Variants in DOCK3 observed in about 807,000 individuals in gnomAD.
DOCK3 encodes dedicator of cytokinesis protein 3.
A neutral mutation model predicts 265.6 loss-of-function variants in DOCK3; 60 were observed. That is an observed-to-expected ratio of 0.23 (90% CI 0.18 to 0.28). The LOEUF (loss-of-function observed/expected upper bound fraction) is 0.28. DOCK3 is among the 10% of genes least tolerant of loss of function. DOCK3 has a pLI of 1.00. For missense variants in DOCK3, 1,981 were observed against 2,594.3 expected, an observed-to-expected ratio of 0.76 and a Z score of 5.14; for synonymous variants, 881 against 938.0, an observed-to-expected ratio of 0.94 and a Z score of 1.11.
At chr3:51,368,789 C>A (rs891404919) in intron 49 of DOCK3, among the ~76,000 whole-genome samples, 1 of 152,224 alleles carries the variant, frequency 6.6e-6, no homozygotes, top group Non-Finnish European at 1.5e-5. Flanking sequence ...AGGAGCCTAA[C>A]TGGGAGGCAC....
intron 38 of DOCK3, among the ~76,000 whole-genome samples, chr3:51,348,292 A>G (rs2085734141): frequency 6.6e-6 from 1 of 152,238 alleles, no homozygotes; most frequent in African/African-American, 2.4e-5. Flanking sequence ...AGTTCCATAA[A>G]GGAAATTGTC....
intron 5 of DOCK3, among the ~76,000 whole-genome samples, chr3:50,996,658 A>G (rs2078296095): frequency 2.0e-5 from 3 of 151,602 alleles, no homozygotes; most frequent in African/African-American, 7.3e-5. Flanking sequence ...TCTTGGGGGG[A>G]AAACTGTGTA....
chr3:50,714,727 G>A (rs141044119), intron 1 of DOCK3, among the ~76,000 whole-genome samples: 3 of 152,266 alleles, frequency 2.0e-5, no homozygotes, highest in African/African-American at 7.2e-5. Context: ...GTGAGCCACT[G>A]CACCCAGCTT....
intron 1 of DOCK3, among the ~76,000 whole-genome samples, chr3:50,740,431 T>C (rs960117737): frequency 6.6e-6 from 1 of 152,162 alleles, no homozygotes; most frequent in Non-Finnish European, 1.5e-5. Context: ...ACTTAACTTT[T>C]TTAGAAACTG....
At chr3:50,987,492 TTTTATTACTTACTA>T (rs2077945168) in intron 5 of DOCK3, among the ~76,000 whole-genome samples, 1 of 152,184 alleles carries the variant, frequency 6.6e-6, no homozygotes, top group Admixed American at 6.5e-5. Context: ...CAGGGTTACT[TTTTATTACTTACTA>T]TTTGTGGTTT....
At chr3:50,748,734 C>T in intron 1 of DOCK3, among the ~76,000 whole-genome samples, 1 of 152,130 alleles carries the variant, frequency 6.6e-6, no homozygotes. Flanking sequence ...TTCTGCTACA[C>T]CTTGTAGTAT....
chr3:50,775,179 A>C (rs2041511960), intron 1 of DOCK3, among the ~76,000 whole-genome samples: 1 of 152,038 alleles, frequency 6.6e-6, no homozygotes, highest in African/African-American at 2.4e-5. Context: ...TCTTTGGAAG[A>C]GATTATTTAT....
chr3:51,122,926 A>G (rs1161895475), intron 9 of DOCK3, among the ~76,000 whole-genome samples: 1 of 152,224 alleles, frequency 6.6e-6, no homozygotes, highest in African/African-American at 2.4e-5. Flanking sequence ...AATCGTTTAC[A>G]TCCTGCTTCA....
intron 49 of DOCK3, among the ~76,000 whole-genome samples, chr3:51,365,268 C>G (rs1161224428): frequency 6.6e-6 from 1 of 152,186 alleles, no homozygotes; most frequent in Non-Finnish European, 1.5e-5. Flanking sequence ...GGAGTTCACT[C>G]CTGATTTGGC....
chr3:50,701,723 T>G (rs1275735849), intron 1 of DOCK3, among the ~76,000 whole-genome samples: 1 of 152,234 alleles, frequency 6.6e-6, no homozygotes, highest in Admixed American at 6.5e-5. Context: ...CCTTAATCCA[T>G]TTTGAGTTGA....
At position 51,325,649 on chromosome 3, in the gene DOCK3, C is replaced by G. The variant is rs370124534; in HGVS notation, c.3403-4489C>G. ...GCGACACTATTCACAATAGCAAAGA[C>G]TTGGAACCAACCCAAATGCCCATCA... On this transcript the variant is annotated intron_variant, in intron 32 of 52. Coordinates refer to ENST00000266037, the MANE Select transcript of DOCK3 (RefSeq NM_004947.5). 5.9e-5 allele frequency among the ~76,000 whole-genome samples: 9 copies of G among 152,142 alleles called. No individual in the cohort carries two copies. In the South Asian group the frequency reaches 1.0e-3, roughly 17 times the overall value.
intron 35 of DOCK3, among the ~76,000 whole-genome samples, chr3:51,336,023 G>T (rs200248391): frequency 6.7e-6 from 1 of 148,832 alleles, no homozygotes; most frequent in East Asian, 1.9e-4. Context: ...AAAAGAAAAA[G>T]AAAATAGTTG....
chr3:51,300,805 A>G (rs1416973781), intron 27 of DOCK3, among the ~76,000 whole-genome samples: 1 of 152,208 alleles, frequency 6.6e-6, no homozygotes, highest in Non-Finnish European at 1.5e-5. Context: ...TTGGTTTGCC[A>G]GTATTTTATT....
intron 5 of DOCK3, among the ~76,000 whole-genome samples, chr3:50,968,202 T>C (rs1247646979): frequency 6.6e-6 from 1 of 152,228 alleles, no homozygotes; most frequent in Non-Finnish European, 1.5e-5. Flanking sequence ...ACAAGGTCTC[T>C]GCCACCCAGG....
In DOCK3 at chr3:51,360,624, C is replaced by A; in HGVS notation, c.4998C>A (p.His1666Gln). ...PMSPESIKMT[H>Q]RHSPMNLMGT... ...GTCCGGAGAGCATCAAGATGACCCA[C>A]CGGCACAGGTATGGCCTTAGGGCTG... is the stretch of plus-strand genomic sequence containing the variant. The change falls in exon 47 of 53, where the codon CAC becomes CAA. Residue 1666 changes from histidine to glutamine, a missense_variant. Physicochemically the swap from His to Gln is conservative, Grantham distance 24 (BLOSUM62 0). This residue lies in a region of DOCK3 where 1,357 missense variants were observed against 1,866.8 expected (regional missense o/e 0.73). Transcript: ENST00000266037. 1 of 1,613,880 alleles carries A rather than the reference C, an allele frequency of 6.2e-7. No homozygotes were observed.
At chr3:50,686,364 A>G (rs748656746) in intron 1 of DOCK3, among the ~76,000 whole-genome samples, 29 of 152,194 alleles carry the variant, frequency 1.9e-4, no homozygotes, top group Non-Finnish European at 3.5e-4. Context: ...CTAATCCAGA[A>G]TGTATGGAGA....
intron 9 of DOCK3, among the ~76,000 whole-genome samples, chr3:51,120,459 G>C (rs59682667): frequency 0.072 from 10,910 of 152,266 alleles, 983 homozygotes; most frequent in East Asian, 0.33. Flanking sequence ...ACCCACTTGA[G>C]GAGGCTGTCT....
chr3:51,309,261 G>A (rs1165040228), intron 27 of DOCK3, among the ~76,000 whole-genome samples: 5 of 152,304 alleles, frequency 3.3e-5, no homozygotes, highest in East Asian at 1.9e-4. Context: ...GTAGCAAGCC[G>A]AGATCACGCC....
chr3:51,330,332 G>A lies in DOCK3; in HGVS notation c.3488+109G>A, dbSNP rs572459499. 7 of 1,035,314 alleles carry A rather than the reference G, an allele frequency of 6.8e-6. No individual in the cohort carries two copies. The East Asian group carries it at 1.1e-4, about 16-fold the overall frequency. 64.1% of individuals were successfully genotyped at this position (1,035,314 alleles called of 1,614,324 possible). A position where few individuals can be genotyped will look rare whatever the true frequency, so the allele number is the denominator to read the frequency against. Reference sequence around the variant, plus strand: ...GCAGGCTTTAGAGGTTGGTCATCAAGAGGGACCTGGGTTGTTCCTGATGGT... The same window carrying A: ...GCAGGCTTTAGAGGTTGGTCATCAAAAGGGACCTGGGTTGTTCCTGATGGT... On this transcript the variant is annotated intron_variant, in intron 33 of 52. Coordinates refer to ENST00000266037, the MANE Select transcript of DOCK3 (RefSeq NM_004947.5).
Sources: allele counts gnomAD v4.1 joint callset (sites outside exome capture counted in the v4.1 genomes callset), GRCh38; gene constraint gnomAD v4.1.1; regional missense constraint gnomAD v4.1.1; transcripts MANE v1.5; gene names NCBI Gene and HGNC (gene_info 2026-07-23, HGNC 2026-07-21).